Variants in GAPVD1 observed in about 807,000 individuals in gnomAD.
GAPVD1 encodes the protein GTPase-activating protein and VPS9 domain-containing protein 1.
Under a neutral mutation model 155.5 loss-of-function variants are expected in GAPVD1, and 35 were observed. That is an observed-to-expected ratio of 0.23 (90% CI 0.17 to 0.30). The LOEUF (loss-of-function observed/expected upper bound fraction) is 0.30. Among genes scored for constraint, GAPVD1 ranks in the 10% least tolerant of loss-of-function variants. The pLI is 1.00. For synonymous variants in GAPVD1, 636 were observed against 619.7 expected (o/e 1.03, Z -0.39); for missense variants, 1,429 against 1,775.7 (o/e 0.80, Z 3.51).
chr9:125,304,735 ATTAAT>A (rs1232320316), intron 5 of GAPVD1, among the ~76,000 whole-genome samples: 3 of 152,244 alleles, frequency 2.0e-5, no homozygotes, highest in Non-Finnish European at 2.9e-5. Context: ...GCTTTTACAA[ATTAAT>A]TTAAAAAGCT....
rs1246805121 is a variant in GAPVD1, at chr9:125,330,225, A to G, written c.2173+7A>G. The G allele has an allele frequency of 6.3e-7, 1 of 1,576,832 alleles. No individual in the cohort carries two copies. The highest frequency in any genetic ancestry group is 8.6e-7 in the Non-Finnish European group (1 of 1,161,064). The stretch of plus-strand genomic sequence containing the variant: ...GTATTGCCAAGTGACTCAGGTTAGT[A>G]TGCTGTCATTGTTTGCTTTTTCATT... On this transcript the variant is annotated splice_region_variant and intron_variant, in intron 13 of 27. Coordinates refer to ENST00000297933, the MANE Select transcript of GAPVD1 (RefSeq NM_001282680.3).
At chr9:125,275,343 T>A (rs1458672417) in intron 2 of GAPVD1, among the ~76,000 whole-genome samples, 1 of 152,250 alleles carries the variant, frequency 6.6e-6, no homozygotes, top group Non-Finnish European at 1.5e-5. Context: ...CCCAAAATGC[T>A]GGGATTACAG....
intron 2 of GAPVD1, among the ~76,000 whole-genome samples, chr9:125,289,698 T>C (rs963127707): frequency 6.6e-6 from 1 of 152,106 alleles, no homozygotes; most frequent in Middle Eastern, 3.2e-3. Flanking sequence ...AAGGGAGATG[T>C]TGACTAGGCA....
At chr9:125,268,495 G>GTT (rs911483935) in intron 1 of GAPVD1, among the ~76,000 whole-genome samples, 149 of 89,130 alleles carry the variant, frequency 1.7e-3, no homozygotes, top group African/African-American at 3.5e-3. Context: ...CCCTAACATT[G>GTT]TTTTTTTTTT....
At chr9:125,296,727 T>A (rs1486769359) in intron 3 of GAPVD1, among the ~76,000 whole-genome samples, 7 of 149,148 alleles carry the variant, frequency 4.7e-5, no homozygotes, top group African/African-American at 1.7e-4. Context: ...AGTGGTGCGA[T>A]TTCAGCTCAC....
intron 2 of GAPVD1, among the ~76,000 whole-genome samples, chr9:125,288,345 C>G (rs1204454706): frequency 6.6e-6 from 1 of 151,996 alleles, no homozygotes; most frequent in East Asian, 1.9e-4. Flanking sequence ...CTCCTGACTT[C>G]ATGATCCACC....
Position 125,361,024 on chromosome 9 carries a change from G to T in GAPVD1, c.4242+299G>T, listed in dbSNP as rs1408307223. On this transcript the variant is annotated intron_variant, in intron 27 of 27. Transcript: ENST00000297933. Reference sequence around the variant, plus strand: ...TTACAGGCGTGCGTCACCATGCCCAGCGAATTTTTTTTCATTTTTGCTAGA... The same window carrying T: ...TTACAGGCGTGCGTCACCATGCCCATCGAATTTTTTTTCATTTTTGCTAGA... Among the ~76,000 whole-genome samples, 4 of 152,072 alleles carry T rather than the reference G, an allele frequency of 2.6e-5. 1 individual carries two copies. The highest frequency in any genetic ancestry group is 5.9e-5 in the Non-Finnish European group (4 of 68,006).
At chr9:125,345,866 AGTGT>A (rs36006272) in intron 19 of GAPVD1, 4 of 150,682 alleles carry the variant, frequency 2.7e-5, no homozygotes, top group Non-Finnish European at 4.4e-5. Flanking sequence ...TATACACATA[AGTGT>A]GTGTGTGTGT....
At chr9:125,330,018 C>G (rs1845857725) in intron 12 of GAPVD1, 60 bp from the exon 13 acceptor site, 2 of 1,428,988 alleles carry the variant, frequency 1.4e-6, no homozygotes, top group Non-Finnish European at 1.9e-6. Context: ...CTTTTCTCCA[C>G]TATCACTGCA....
At chr9:125,265,514 G>A (rs370327792) in intron 1 of GAPVD1, among the ~76,000 whole-genome samples, 1 of 150,854 alleles carries the variant, frequency 6.6e-6, no homozygotes, top group Non-Finnish European at 1.5e-5. Flanking sequence ...GGGTTCCAGC[G>A]ATTCTCCTGC....
chr9:125,313,539 G>A (rs954247444), intron 9 of GAPVD1, among the ~76,000 whole-genome samples: 1 of 151,964 alleles, frequency 6.6e-6, no homozygotes, highest in African/African-American at 2.4e-5. Context: ...TCCTGACCTC[G>A]TGATCCACCT....
rs896855306 is a variant in GAPVD1 at position 125,366,725 on chromosome 9, T to C, written c.*3979T>C. On this transcript the variant is annotated 3_prime_UTR_variant, in exon 28 of 28. Transcript: ENST00000297933. Reference sequence around the variant, plus strand: ...CTTGAGAACTTTGCCAGGTTAAAAATTACTTAATATATTTTAGAATGTAGG... The same window carrying C: ...CTTGAGAACTTTGCCAGGTTAAAAACTACTTAATATATTTTAGAATGTAGG... 11 of 152,308 alleles carry C rather than the reference T, an allele frequency of 7.2e-5. No homozygotes were observed. The highest frequency in any genetic ancestry group is 1.5e-4 in the Non-Finnish European group (10 of 68,032). 9.4% of individuals were successfully genotyped at this position (152,308 alleles called of 1,614,324 possible).
chr9:125,284,107 C>G (rs999491786), intron 2 of GAPVD1, among the ~76,000 whole-genome samples: 1 of 151,348 alleles, frequency 6.6e-6, no homozygotes, highest in Non-Finnish European at 1.5e-5. Flanking sequence ...AACTCCTGAC[C>G]TCAAGTGATC....
intron 4 of GAPVD1, 72 bp downstream of exon 4, chr9:125,299,178 A>G (rs913662580): frequency 1.6e-5 from 12 of 754,672 alleles, no homozygotes; most frequent in Non-Finnish European, 2.6e-5. Context: ...GTAACTATAA[A>G]TAAATGAATC....
In GAPVD1 at chr9:125,342,221, C is replaced by T. The variant is rs773666365; in HGVS notation, c.2968C>T (p.Pro990Ser). ...TACTGACTTTATTTAATTTCCAGCT[C>T]CTATACCATTTAGAAAGAAAGAAAA... ...KRFVSAMPKA[P>S]IPFRKKEKQE... The change falls in exon 19 of 28, where the codon CCT becomes TCT. Residue 990 changes from proline to serine, a missense_variant and splice_region_variant. By Grantham distance (74) the Pro-to-Ser change is moderately conservative. This residue lies in a region of GAPVD1 where 699 missense variants were observed against 826.0 expected (regional missense o/e 0.85). Coordinates refer to ENST00000297933, the MANE Select transcript of GAPVD1 (RefSeq NM_001282680.3). 3 of 1,508,764 alleles carry T rather than the reference C, an allele frequency of 2.0e-6. No individual in the cohort carries two copies. Among genetic ancestry groups the T allele is most frequent in the Non-Finnish European group, 2.8e-6 (3 of 1,083,866 alleles). 93.5% of individuals were successfully genotyped at this position (1,508,764 alleles called of 1,614,324 possible). A position where few individuals can be genotyped will look rare whatever the true frequency, so the allele number is the denominator to read the frequency against.
chr9:125,268,217 A>G (rs1485379052), intron 1 of GAPVD1, among the ~76,000 whole-genome samples: 2 of 139,686 alleles, frequency 1.4e-5, no homozygotes, highest in Non-Finnish European at 3.1e-5. Flanking sequence ...AAAAAAAACC[A>G]AGAACTTTAT....
At chr9:125,316,788 C>T (rs1477856242) in intron 9 of GAPVD1, among the ~76,000 whole-genome samples, 2 of 152,116 alleles carry the variant, frequency 1.3e-5, no homozygotes, top group African/African-American at 4.8e-5. Flanking sequence ...GATGGTATTT[C>T]TGGTTCTAGA....
chr9:125,263,668 T>A, intron 1 of GAPVD1: 1 of 951,120 alleles, frequency 1.1e-6, no homozygotes, highest in Non-Finnish European at 1.7e-6. Context: ...AGCTTTCTTG[T>A]CGGCACTAAG....
intron 2 of GAPVD1, among the ~76,000 whole-genome samples, chr9:125,272,013 T>C (rs1834994860): frequency 1.3e-5 from 2 of 152,190 alleles, no homozygotes; most frequent in Admixed American, 6.5e-5. Flanking sequence ...AGAAAAACTT[T>C]GGAAAAACTA....
Sources: gnomAD v4.1 joint callset for allele counts (sites outside exome capture counted in the v4.1 genomes callset) on GRCh38, gnomAD v4.1.1 for gene constraint, gnomAD v4.1.1 regional missense constraint, MANE v1.5 for transcripts, NCBI Gene and HGNC (gene_info 2026-07-23, HGNC 2026-07-21) for gene names.